Variants in KHDRBS2 observed in about 807,000 individuals in gnomAD.
KHDRBS2 encodes the protein KH RNA binding domain containing, signal transduction associated 2.
A neutral mutation model predicts 44.3 loss-of-function variants in KHDRBS2; 26 were observed. The observed-to-expected ratio is 0.59, with a 90% CI of 0.43 to 0.81. The LOEUF is 0.81. KHDRBS2 is among the 40% of genes least tolerant of loss of function. The pLI is 0.00. For synonymous variants in KHDRBS2, 194 were observed against 151.1 expected (o/e 1.28, Z -2.08); for missense variants, 476 against 433.1 (o/e 1.10, Z -0.88).
At chr6:61,853,979 T>C (rs1005958206) in intron 6 of KHDRBS2, among the ~76,000 whole-genome samples, 2 of 152,236 alleles carry the variant, frequency 1.3e-5, no homozygotes, top group Non-Finnish European at 2.9e-5. Context: ...TGGTCACATG[T>C]CTCTATTTAC....
intron 6 of KHDRBS2, chr6:61,816,720 C>T: frequency 2.5e-6 from 1 of 394,616 alleles, no homozygotes; most frequent in Non-Finnish European, 5.2e-6. Context: ...AAGAATAAAT[C>T]TACTAAAATG....
rs368003341 is a variant in KHDRBS2 at position 62,105,445 on chromosome 6, CA to C, written c.220-57452del. 2.1e-3 allele frequency among the ~76,000 whole-genome samples: 323 copies of C among 152,272 alleles called. 1 individual carries two copies. The highest frequency in any genetic ancestry group is 7.3e-3 in the African/African-American group (303 of 41,564). On this transcript the variant is annotated intron_variant, in intron 2 of 8. Coordinates refer to ENST00000281156, the MANE Select transcript of KHDRBS2 (RefSeq NM_152688.4). Reference sequence around the variant, plus strand: ...GTTGGTAAGCTATTGATTATTGCCACAATTTCAGAGCCTGTTATTGGTCTAT... The same window carrying C: ...GTTGGTAAGCTATTGATTATTGCCACATTTCAGAGCCTGTTATTGGTCTAT...
chr6:61,647,985 A>C, the KHDRBS2 span, among the ~76,000 whole-genome samples: 2 of 152,104 alleles, frequency 1.3e-5, no homozygotes, highest in Non-Finnish European at 1.5e-5. Flanking sequence ...TGCTTGGACC[A>C]ACCTTGCTCC....
chr6:61,611,820 C>G, the KHDRBS2 span, among the ~76,000 whole-genome samples: 7 of 152,296 alleles, frequency 4.6e-5, no homozygotes, highest in South Asian at 1.4e-3. Context: ...TTTCAACTCA[C>G]CTTCCTCTCT....
intron 6 of KHDRBS2, among the ~76,000 whole-genome samples, chr6:61,743,884 G>T (rs1365058277): frequency 1.3e-5 from 2 of 150,006 alleles, no homozygotes; most frequent in Non-Finnish European, 3.0e-5. Flanking sequence ...GCGGTGTTTG[G>T]TTTTTTGTCC....
intron 1 of KHDRBS2, among the ~76,000 whole-genome samples, chr6:62,277,864 C>T (rs1365367651): frequency 1.3e-5 from 2 of 152,150 alleles, no homozygotes; most frequent in Non-Finnish European, 2.9e-5. Context: ...GACTTCTTTC[C>T]TCCAAAAAAG....
At chr6:62,139,349 G>A (rs780646143) in intron 2 of KHDRBS2, among the ~76,000 whole-genome samples, 43 of 151,890 alleles carry the variant, frequency 2.8e-4, no homozygotes, top group Non-Finnish European at 4.1e-4. Flanking sequence ...TCAGGAGATC[G>A]AGACCATCCT....
intron 6 of KHDRBS2, among the ~76,000 whole-genome samples, chr6:61,837,622 T>C (rs1379369174): frequency 6.6e-6 from 1 of 151,992 alleles, no homozygotes; most frequent in Non-Finnish European, 1.5e-5. Context: ...CTGGCAAAAG[T>C]AGCACCTGAC....
chr6:62,016,394 G>A (rs929051125), intron 3 of KHDRBS2, among the ~76,000 whole-genome samples: 11 of 151,686 alleles, frequency 7.3e-5, no homozygotes, highest in Admixed American at 4.6e-4. Flanking sequence ...TAAGTGTTCC[G>A]AAAATACTTG....
chr6:61,558,026 T>C, the KHDRBS2 span, among the ~76,000 whole-genome samples: 8 of 152,304 alleles, frequency 5.3e-5, no homozygotes, highest in African/African-American at 1.9e-4. Context: ...CTTTTCTCTT[T>C]CTTAGTCTGG....
At chr6:62,254,211 T>A (rs559747746) in intron 1 of KHDRBS2, among the ~76,000 whole-genome samples, 1 of 152,032 alleles carries the variant, frequency 6.6e-6, no homozygotes, top group African/African-American at 2.4e-5. Flanking sequence ...ATACTTTATA[T>A]TAAAGTGCTA....
the KHDRBS2 span, among the ~76,000 whole-genome samples, chr6:61,579,886 C>T: frequency 6.2e-5 from 8 of 128,576 alleles, no homozygotes; most frequent in African/African-American, 2.4e-4. Context: ...GGAGAAACCC[C>T]GTCTCTACTA....
chr6:62,279,041 C>T (rs998652264), intron 1 of KHDRBS2, among the ~76,000 whole-genome samples: 1 of 152,120 alleles, frequency 6.6e-6, no homozygotes. Context: ...TTGCAGTGAG[C>T]TGAGATTGTG....
the KHDRBS2 span, among the ~76,000 whole-genome samples, chr6:61,547,627 G>A: frequency 1.4e-4 from 21 of 152,048 alleles, no homozygotes; most frequent in Non-Finnish European, 2.1e-4. Context: ...TCCCTGGTTT[G>A]CATCACTTCG....
chr6:62,139,848 T>C (rs913729203), intron 2 of KHDRBS2, among the ~76,000 whole-genome samples: 3 of 152,128 alleles, frequency 2.0e-5, no homozygotes, highest in African/African-American at 2.4e-5. Flanking sequence ...CCAGATTCTC[T>C]ACACATGAAG....
chr6:61,697,370 C>A, intron 7 of KHDRBS2, 117 bp from the exon 8 acceptor site: 2 of 698,536 alleles, frequency 2.9e-6, no homozygotes, highest in Admixed American at 2.2e-5. Flanking sequence ...AACTTCAAGG[C>A]ATAAAACACA....
At chr6:61,897,293 T>C (rs1315337698) in intron 5 of KHDRBS2, among the ~76,000 whole-genome samples, 2 of 152,246 alleles carry the variant, frequency 1.3e-5, no homozygotes, top group East Asian at 3.9e-4. Context: ...CTGCCTTAAA[T>C]GAATACTCCA....
intron 2 of KHDRBS2, among the ~76,000 whole-genome samples, chr6:62,138,718 C>A (rs1385471405): frequency 6.6e-6 from 1 of 151,974 alleles, no homozygotes; most frequent in Non-Finnish European, 1.5e-5. Context: ...ATTTATGAAC[C>A]CATTATACTT....
At chr6:61,922,182 C>T (rs1405852827) in intron 4 of KHDRBS2, among the ~76,000 whole-genome samples, 1 of 151,932 alleles carries the variant, frequency 6.6e-6, no homozygotes, top group African/African-American at 2.4e-5. Flanking sequence ...CATTTATCTT[C>T]CCCTCTGAGT....
Sources: gnomAD v4.1 joint callset for allele counts (sites outside exome capture counted in the v4.1 genomes callset) on GRCh38, gnomAD v4.1.1 for gene constraint, MANE v1.5 for transcripts, NCBI Gene and HGNC (gene_info 2026-07-23, HGNC 2026-07-21) for gene names.